SLAIN2: variants seen among roughly 807,000 people sequenced by gnomAD.
The protein encoded by SLAIN2 is SLAIN motif-containing protein 2.
Under a neutral mutation model 56.6 loss-of-function variants are expected in SLAIN2, and 31 were observed. The ratio of observed to expected loss-of-function variants is 0.55; its 90% confidence interval spans 0.41 to 0.74. SLAIN2 has a LOEUF of 0.74. Ranked by LOEUF, SLAIN2 falls within the 30% of genes least tolerant of loss-of-function variation. The pLI is 0.00. For synonymous variants in SLAIN2, 317 were observed against 284.9 expected, an observed-to-expected ratio of 1.11 and a Z score of -1.13; for missense variants, 777 against 754.2, an observed-to-expected ratio of 1.03 and a Z score of -0.35.
rs531849057 is a variant in SLAIN2, at chr4:48,348,402, G to A, written c.389+6274G>A. Among the ~76,000 whole-genome samples, 83 of 152,044 alleles carry A rather than the reference G, an allele frequency of 5.5e-4. 1 individual carries two copies. Among genetic ancestry groups the A allele is most frequent in the South Asian group, 2.1e-3 (10 of 4,822 alleles). ...ATGTGGGAGCATAAGAAACCTTCAA[G>A]ACAGGCTGGGCATGGTGGCTCATGC... On this transcript the variant is annotated intron_variant, in intron 1 of 7. Coordinates refer to ENST00000264313, the MANE Select transcript of SLAIN2 (RefSeq NM_020846.2).
At chr4:48,357,138 T>G (rs1404496704) in intron 1 of SLAIN2, among the ~76,000 whole-genome samples, 1 of 151,086 alleles carries the variant, frequency 6.6e-6, no homozygotes. Context: ...TATATAAGTA[T>G]AGTATTATAT....
At chr4:48,379,335 A>G (rs560282906) in intron 3 of SLAIN2, among the ~76,000 whole-genome samples, 1 of 152,292 alleles carries the variant, frequency 6.6e-6, no homozygotes, top group South Asian at 2.1e-4. Context: ...TCATAAACTC[A>G]TCTATTTATA....
intron 6 of SLAIN2, among the ~76,000 whole-genome samples, chr4:48,395,134 A>G (rs1396384312): frequency 6.6e-6 from 1 of 152,210 alleles, no homozygotes; most frequent in African/African-American, 2.4e-5. Flanking sequence ...GGTAGCTTTC[A>G]TAATAATAGT....
At chr4:48,373,449 C>T (rs537413815) in intron 2 of SLAIN2, among the ~76,000 whole-genome samples, 18 of 152,048 alleles carry the variant, frequency 1.2e-4, no homozygotes, top group African/African-American at 4.3e-4. Context: ...CTAGTATCAC[C>T]TCTGTTGAAT....
At chr4:48,405,441 G>C (rs1716668651) in intron 6 of SLAIN2, among the ~76,000 whole-genome samples, 2 of 147,732 alleles carry the variant, frequency 1.4e-5, no homozygotes, top group African/African-American at 5.0e-5. Context: ...CTCATTGTTT[G>C]TTTCTTAGAA....
chr4:48,360,687 A>C (rs1409290605), intron 1 of SLAIN2, among the ~76,000 whole-genome samples: 1 of 152,224 alleles, frequency 6.6e-6, no homozygotes, highest in African/African-American at 2.4e-5. Context: ...GAATAGTACA[A>C]CCATCACCAT....
At chr4:48,405,473 C>T (rs745392561) in intron 6 of SLAIN2, among the ~76,000 whole-genome samples, 2 of 152,082 alleles carry the variant, frequency 1.3e-5, no homozygotes, top group African/African-American at 2.4e-5. Flanking sequence ...ATCATTTGTT[C>T]TGCAGAGGTT....
At chr4:48,397,680 C>T (rs1014792925) in intron 6 of SLAIN2, among the ~76,000 whole-genome samples, 7 of 152,104 alleles carry the variant, frequency 4.6e-5, no homozygotes, top group South Asian at 2.1e-4. Context: ...CCCTGACAGC[C>T]GCCAGTGTGT....
At chr4:48,350,249 C>T (rs1234164281) in intron 1 of SLAIN2, among the ~76,000 whole-genome samples, 1 of 152,176 alleles carries the variant, frequency 6.6e-6, no homozygotes, top group Non-Finnish European at 1.5e-5. Flanking sequence ...ATCTTTGGGG[C>T]CTCCGTGTAT....
intron 6 of SLAIN2, among the ~76,000 whole-genome samples, chr4:48,389,531 A>C (rs1716180921): frequency 6.6e-6 from 1 of 152,190 alleles, no homozygotes; most frequent in Non-Finnish European, 1.5e-5. Context: ...TAGCAGGGAG[A>C]GTTAGACAGG....
In SLAIN2 at chr4:48,341,593, G is replaced by A. The variant is rs1417647358; in HGVS notation, c.-147G>A. On this transcript the variant is annotated 5_prime_UTR_variant, in exon 1 of 8. Transcript: ENST00000264313. ...CCAGCGGCGCTTTGGAACCCGAGGT[G>A]GGGGGACCCTGGCGGTGGGGCCTGG... is the stretch of plus-strand genomic sequence containing the variant. The A allele has an allele frequency of 1.1e-5, 14 of 1,249,088 alleles. No homozygotes were observed. Among genetic ancestry groups the A allele is most frequent in the Non-Finnish European group, 1.5e-5 (14 of 956,788 alleles). The allele number at this position is 1,249,088 out of a possible 1,614,324, so 77.4% of individuals were successfully genotyped here.
chr4:48,351,269 G>T (rs1393361597), intron 1 of SLAIN2, among the ~76,000 whole-genome samples: 1 of 152,198 alleles, frequency 6.6e-6, no homozygotes, highest in Admixed American at 6.5e-5. Context: ...TAGGTTTTTA[G>T]TATGCATTTA....
At chr4:48,402,977 A>G (rs527974667) in intron 6 of SLAIN2, among the ~76,000 whole-genome samples, 30 of 151,960 alleles carry the variant, frequency 2.0e-4, no homozygotes, top group African/African-American at 4.3e-4. Context: ...TAGGGCTGCT[A>G]TGGTTTTCTG....
At chr4:48,394,477 T>C (rs1716325936) in intron 6 of SLAIN2, 1 of 904,332 alleles carries the variant, frequency 1.1e-6, no homozygotes, top group African/African-American at 1.7e-5. Flanking sequence ...TGTTCTTTGA[T>C]ACATTTTTAA....
At chr4:48,362,425 T>C (rs75958999) in intron 1 of SLAIN2, among the ~76,000 whole-genome samples, 15 of 144,484 alleles carry the variant, frequency 1.0e-4, no homozygotes, top group East Asian at 1.9e-4. Context: ...CTCTCTCTCT[T>C]TTTTTTTTTT....
intron 2 of SLAIN2, among the ~76,000 whole-genome samples, chr4:48,371,057 T>A (rs1479406650): frequency 6.6e-6 from 1 of 152,128 alleles, no homozygotes; most frequent in Non-Finnish European, 1.5e-5. Flanking sequence ...AAAGTATTAC[T>A]TTTCCTCTAT....
At chr4:48,420,019 CTGA>C in intron 6 of SLAIN2, 103 bp from the exon 7 acceptor site, 2 of 1,131,502 alleles carry the variant, frequency 1.8e-6, no homozygotes, top group South Asian at 3.2e-5. Flanking sequence ...GTGAAGTTTC[CTGA>C]ATACACATGT....
At chr4:48,383,896 C>A in intron 6 of SLAIN2, 112 bp downstream of exon 6, 2 of 1,156,632 alleles carry the variant, frequency 1.7e-6, no homozygotes, top group South Asian at 1.7e-5. Context: ...CCGTTTTAAA[C>A]CATAGCTATA....
rs572100798 is a variant in SLAIN2 at position 48,402,388 on chromosome 4, G to A, written c.1361-17737G>A. On this transcript the variant is annotated intron_variant, in intron 6 of 7. Transcript: ENST00000264313. ...GAAGTATGCATTCCAACTTGATTCT[G>A]TTCTCCCCATCTCTTTCAGGTACCC... 3.3e-5 allele frequency among the ~76,000 whole-genome samples: 5 copies of A among 152,164 alleles called. No homozygotes were observed. The South Asian group carries it at 1.0e-3, about 32-fold the overall frequency.
Sources: gnomAD v4.1 joint callset for allele counts (sites outside exome capture counted in the v4.1 genomes callset) on GRCh38, gnomAD v4.1.1 for gene constraint, MANE v1.5 for transcripts, NCBI Gene and HGNC (gene_info 2026-07-23, HGNC 2026-07-21) for gene names.